Variants in ZRANB3 observed in about 807,000 individuals in gnomAD.
The protein encoded by ZRANB3 is DNA annealing helicase and endonuclease ZRANB3.
A neutral mutation model predicts 133.8 loss-of-function variants in ZRANB3; 125 were observed. The observed-to-expected ratio is 0.93, with a 90% CI of 0.81 to 1.08. ZRANB3 has a LOEUF of 1.08. Among genes scored for constraint, ZRANB3 ranks in the 50% least tolerant of loss-of-function variants. ZRANB3 has a pLI of 0.00. For synonymous variants in ZRANB3, 387 were observed against 432.7 expected, an observed-to-expected ratio of 0.89 and a Z score of 1.31; for missense variants, 1,229 against 1,275.5, an observed-to-expected ratio of 0.96 and a Z score of 0.56.
At chr2:135,479,645 G>A (rs532176205) in intron 2 of ZRANB3, among the ~76,000 whole-genome samples, 1 of 151,940 alleles carries the variant, frequency 6.6e-6, no homozygotes, top group East Asian at 2.0e-4. Context: ...CAGCCTGGGT[G>A]ACAGAGCGAG....
In ZRANB3 at chr2:135,478,120, T is replaced by TA. The variant is rs1691580999; in HGVS notation, c.161+26208dup. ...GAATTTTTCTTTTTGATAAATTACC[T>TA]AAAATAGAACTATTTCGATAGTGTC... On this transcript the variant is annotated intron_variant, in intron 2 of 20. Coordinates refer to ENST00000264159, the MANE Select transcript of ZRANB3 (RefSeq NM_032143.4). Among the ~76,000 whole-genome samples the TA allele has an allele frequency of 2.0e-5, 3 of 152,140 alleles. No homozygotes were observed. In the South Asian group the frequency reaches 6.2e-4, roughly 32 times the overall value.
rs757238359 is a variant in ZRANB3, at chr2:135,200,174, C to T, written c.*168G>A. 233 of 675,704 alleles carry T rather than the reference C, an allele frequency of 3.4e-4. No individual in the cohort carries two copies. Among genetic ancestry groups the T allele is most frequent in the South Asian group, 4.9e-4 (30 of 61,098 alleles). The allele number at this position is 675,704 out of a possible 1,614,324, so 41.9% of individuals were successfully genotyped here. On this transcript the variant is annotated 3_prime_UTR_variant, in exon 21 of 21. Transcript: ENST00000264159. ...ATTGTATCTTAGTTTCTGTTAAGTA[C>T]TTTCAAAATGTATTTAATACTAAAA...
At chr2:135,321,384 G>T (rs1407962217) in intron 6 of ZRANB3, among the ~76,000 whole-genome samples, 1 of 151,922 alleles carries the variant, frequency 6.6e-6, no homozygotes, top group East Asian at 1.9e-4. Flanking sequence ...GTGCTTATTT[G>T]ACTTCTGTAT....
At chr2:135,448,853 G>T (rs1391838182) in intron 2 of ZRANB3, among the ~76,000 whole-genome samples, 1 of 152,198 alleles carries the variant, frequency 6.6e-6, no homozygotes, top group Non-Finnish European at 1.5e-5. Context: ...GTGGCAGACT[G>T]TACTGTCTAA....
At chr2:135,392,842 T>C (rs1417192753) in intron 2 of ZRANB3, among the ~76,000 whole-genome samples, 1 of 152,064 alleles carries the variant, frequency 6.6e-6, no homozygotes, top group East Asian at 1.9e-4. Flanking sequence ...TGAAATTTCA[T>C]TGTTCAAAAA....
At chr2:135,420,139 A>G (rs1688779235) in intron 2 of ZRANB3, among the ~76,000 whole-genome samples, 1 of 140,946 alleles carries the variant, frequency 7.1e-6, no homozygotes, top group Non-Finnish European at 1.5e-5. Context: ...TATAGAGGAT[A>G]TTTCTAGAAG....
intron 19 of ZRANB3, among the ~76,000 whole-genome samples, chr2:135,204,715 TTTA>T (rs1232057529): frequency 1.4e-5 from 2 of 146,244 alleles, no homozygotes; most frequent in Non-Finnish European, 3.0e-5. Flanking sequence ...TATTATATGT[TTTA>T]TTATATATTA....
At chr2:135,291,507 T>C (rs1488200853) in intron 8 of ZRANB3, among the ~76,000 whole-genome samples, 2 of 152,114 alleles carry the variant, frequency 1.3e-5, no homozygotes, top group African/African-American at 4.8e-5. Flanking sequence ...TTAGGTTTGG[T>C]TGTTTAACGT....
intron 2 of ZRANB3, among the ~76,000 whole-genome samples, chr2:135,480,785 C>G (rs1489546376): frequency 8.5e-6 from 1 of 118,258 alleles, no homozygotes; most frequent in Non-Finnish European, 1.6e-5. Flanking sequence ...CGACAACAGT[C>G]CCCAGAGTGT....
At chr2:135,388,273 C>A (rs576057182) in intron 3 of ZRANB3, among the ~76,000 whole-genome samples, 2 of 152,156 alleles carry the variant, frequency 1.3e-5, no homozygotes, top group Non-Finnish European at 2.9e-5. Flanking sequence ...TGGGTCACCC[C>A]TCCCATCACA....
chr2:135,292,389 G>A (rs1276968375), intron 8 of ZRANB3, among the ~76,000 whole-genome samples: 60 of 152,168 alleles, frequency 3.9e-4, no homozygotes, highest in Non-Finnish European at 2.9e-5. Flanking sequence ...CTGCATAAAT[G>A]TCTTCTTTTG....
At chr2:135,332,864 C>G (rs1684213065) in intron 6 of ZRANB3, among the ~76,000 whole-genome samples, 2 of 152,148 alleles carry the variant, frequency 1.3e-5, no homozygotes, top group Admixed American at 1.3e-4. Context: ...CTGTTGATTT[C>G]TGAGTTCATA....
intron 8 of ZRANB3, among the ~76,000 whole-genome samples, chr2:135,299,800 T>C (rs1408660181): frequency 2.0e-5 from 3 of 152,242 alleles, no homozygotes; most frequent in African/African-American, 2.4e-5. Flanking sequence ...CATAATTCTG[T>C]AGCATAGCGT....
intron 12 of ZRANB3, among the ~76,000 whole-genome samples, chr2:135,233,588 G>T (rs57011902): frequency 0.011 from 1,722 of 152,296 alleles, 38 homozygotes; most frequent in African/African-American, 0.04. Context: ...GACTAACAGC[G>T]GATCTCTTGG....
At chr2:135,295,079 T>G (rs571078246) in intron 8 of ZRANB3, among the ~76,000 whole-genome samples, 23 of 152,296 alleles carry the variant, frequency 1.5e-4, no homozygotes, top group African/African-American at 5.1e-4. Flanking sequence ...TTCTGTTGAT[T>G]TGGGGTGGAG....
intron 8 of ZRANB3, among the ~76,000 whole-genome samples, chr2:135,308,059 C>G (rs1039133559): frequency 1.1e-4 from 17 of 152,064 alleles, no homozygotes; most frequent in African/African-American, 4.1e-4. Context: ...CCTTTTGAGT[C>G]TCCTGGTACC....
chr2:135,334,810 G>A (rs757928417), intron 6 of ZRANB3, among the ~76,000 whole-genome samples: 9 of 152,112 alleles, frequency 5.9e-5, no homozygotes, highest in South Asian at 2.1e-4. Context: ...CAAGAGAATC[G>A]GTTGAACCTG....
At chr2:135,520,220 CTAAAAA>C (rs1420079265) in intron 1 of ZRANB3, among the ~76,000 whole-genome samples, 3 of 151,546 alleles carry the variant, frequency 2.0e-5, no homozygotes, top group Non-Finnish European at 4.4e-5. Flanking sequence ...CCCATCTCTA[CTAAAAA>C]TAAAAATAAA....
intron 3 of ZRANB3, among the ~76,000 whole-genome samples, chr2:135,372,062 G>A (rs1404865043): frequency 2.6e-5 from 4 of 151,814 alleles, no homozygotes; most frequent in Non-Finnish European, 5.9e-5. Context: ...CAACTACTCG[G>A]GAGGCTGAGG....
Sources: allele counts gnomAD v4.1 joint callset (sites outside exome capture counted in the v4.1 genomes callset), GRCh38; gene constraint gnomAD v4.1.1; transcripts MANE v1.5; gene names NCBI Gene and HGNC (gene_info 2026-07-23, HGNC 2026-07-21).